Variants in PRKG1 observed in about 807,000 individuals in gnomAD.
PRKG1 encodes cGMP-dependent protein kinase 1.
PRKG1 carries 35 observed loss-of-function variants against 88.1 expected under a neutral mutation model. That is an observed-to-expected ratio of 0.40 (90% confidence interval 0.30 to 0.53). The LOEUF is 0.53. PRKG1 is among the 20% of genes least tolerant of loss of function. The pLI is 0.59. For synonymous variants in PRKG1, 303 were observed against 292.5 expected (o/e 1.04, Z -0.37); for missense variants, 540 against 839.8 (o/e 0.64, Z 4.41).
chr10:52,114,068 G>GT (rs934143531), intron 7 of PRKG1, among the ~76,000 whole-genome samples: 3 of 152,030 alleles, frequency 2.0e-5, no homozygotes, highest in African/African-American at 7.2e-5. Context: ...GTAGAGGAGT[G>GT]TTTTTTGCAT....
chr10:51,091,765 G>A (rs1220973690), intron 1 of PRKG1, among the ~76,000 whole-genome samples: 1 of 152,104 alleles, frequency 6.6e-6, no homozygotes, highest in African/African-American at 2.4e-5. Context: ...ACGGTGTGCA[G>A]GCATTCTACT....
intron 3 of PRKG1, among the ~76,000 whole-genome samples, chr10:51,601,531 T>A (rs1214591018): frequency 6.6e-6 from 1 of 152,078 alleles, no homozygotes; most frequent in Non-Finnish European, 1.5e-5. Flanking sequence ...CAGAACATCA[T>A]TGATGTGTCC....
intron 2 of PRKG1, among the ~76,000 whole-genome samples, chr10:51,213,086 C>A (rs1838273386): frequency 6.6e-6 from 1 of 152,112 alleles, no homozygotes; most frequent in Non-Finnish European, 1.5e-5. Context: ...CAGTGATAGA[C>A]TGGATTAAGA....
chr10:51,166,015 A>T (rs759749323), intron 2 of PRKG1, among the ~76,000 whole-genome samples: 31 of 152,262 alleles, frequency 2.0e-4, no homozygotes, highest in Non-Finnish European at 3.5e-4. Flanking sequence ...GGCTGGAAGA[A>T]CATAATTCAA....
chr10:52,097,940 A>G (rs1382786452), intron 7 of PRKG1, among the ~76,000 whole-genome samples: 1 of 152,108 alleles, frequency 6.6e-6, no homozygotes, highest in Admixed American at 6.5e-5. Context: ...AACTCTCTAA[A>G]GGTAAGGTTT....
At chr10:51,080,881 G>A (rs1313737752) in intron 1 of PRKG1, among the ~76,000 whole-genome samples, 1 of 152,170 alleles carries the variant, frequency 6.6e-6, no homozygotes, top group Admixed American at 6.5e-5. Context: ...AGTTCAGTAT[G>A]TGCAACCTGT....
chr10:51,076,014 T>C (rs1178399712), intron 1 of PRKG1, among the ~76,000 whole-genome samples: 1 of 152,250 alleles, frequency 6.6e-6, no homozygotes, highest in Admixed American at 6.5e-5. Context: ...TACGTAATAA[T>C]GCAAGGTCCA....
chr10:51,076,063 A>C (rs1435464404), intron 1 of PRKG1, among the ~76,000 whole-genome samples: 2 of 152,244 alleles, frequency 1.3e-5, no homozygotes, highest in Non-Finnish European at 1.5e-5. Flanking sequence ...AAGTTAATAT[A>C]AGGAGAAAGT....
At chr10:51,917,205 C>G (rs1051696426) in intron 5 of PRKG1, among the ~76,000 whole-genome samples, 1 of 151,514 alleles carries the variant, frequency 6.6e-6, no homozygotes, top group African/African-American at 2.4e-5. Context: ...TGTAGTCCTA[C>G]CTACTCAGGA....
At chr10:52,240,477 A>C (rs544791907) in intron 9 of PRKG1, among the ~76,000 whole-genome samples, 2 of 152,194 alleles carry the variant, frequency 1.3e-5, no homozygotes, top group Non-Finnish European at 2.9e-5. Flanking sequence ...TCTGAATAAA[A>C]GTATGGAGTT....
At chr10:51,586,125 A>T (rs937955413) in intron 3 of PRKG1, among the ~76,000 whole-genome samples, 7 of 152,162 alleles carry the variant, frequency 4.6e-5, no homozygotes, top group Non-Finnish European at 8.8e-5. Flanking sequence ...TCTGAATCAA[A>T]AATAAATGTT....
chr10:51,125,635 T>C (rs1309010752), intron 1 of PRKG1, among the ~76,000 whole-genome samples: 1 of 149,216 alleles, frequency 6.7e-6, no homozygotes, highest in South Asian at 2.1e-4. Flanking sequence ...TGAGCCAAGA[T>C]TGAGCCACTG....
In PRKG1 at chr10:51,386,960, TAA is replaced by T. The variant is rs746547877; in HGVS notation, c.479-80761_479-80760del. ...GTTGGGATTTACAAATAGAATTTTA[TAA>T]ATTGTAATCATAAAGAGGAGTGTCC... On this transcript the variant is annotated intron_variant, in intron 2 of 17. Transcript: ENST00000373980. 4.5e-4 allele frequency among the ~76,000 whole-genome samples: 69 copies of T among 152,354 alleles called. 2 individuals are homozygous for T. Among genetic ancestry groups the T allele is most frequent in the Admixed American group, 2.2e-3 (33 of 15,304 alleles).
At chr10:51,213,369 T>C (rs1221924633) in intron 2 of PRKG1, among the ~76,000 whole-genome samples, 2 of 152,172 alleles carry the variant, frequency 1.3e-5, no homozygotes, top group African/African-American at 4.8e-5. Context: ...TAATGCTAAA[T>C]GACCAGTTAA....
At chr10:51,944,091 T>C (rs1454281664) in intron 5 of PRKG1, among the ~76,000 whole-genome samples, 3 of 152,066 alleles carry the variant, frequency 2.0e-5, no homozygotes, top group South Asian at 2.1e-4. Flanking sequence ...TCCTGGACTC[T>C]TTTTGGTTAG....
intron 2 of PRKG1, among the ~76,000 whole-genome samples, chr10:51,168,753 G>A (rs906507877): frequency 2.0e-5 from 3 of 152,156 alleles, no homozygotes; most frequent in Non-Finnish European, 4.4e-5. Flanking sequence ...CAAAAGAAAT[G>A]TCTCTTAAAT....
intron 4 of PRKG1, among the ~76,000 whole-genome samples, chr10:51,899,341 T>G (rs1841927069): frequency 6.6e-6 from 1 of 152,020 alleles, no homozygotes; most frequent in South Asian, 2.1e-4. Flanking sequence ...CTATTTTTAA[T>G]TAAAATAACC....
chr10:51,364,321 A>G (rs1842546007), intron 2 of PRKG1, among the ~76,000 whole-genome samples: 1 of 151,950 alleles, frequency 6.6e-6, no homozygotes, highest in Non-Finnish European at 1.5e-5. Context: ...GAGCCATTTG[A>G]TCACTACTTG....
intron 17 of PRKG1, among the ~76,000 whole-genome samples, chr10:52,291,437 G>A (rs1186411373): frequency 1.6e-5 from 2 of 123,522 alleles, no homozygotes; most frequent in Admixed American, 2.2e-4. Flanking sequence ...CCCAGAGTGT[G>A]ATGGTCCCCT....
Sources: gnomAD v4.1 joint callset for allele counts (sites outside exome capture counted in the v4.1 genomes callset) on GRCh38, gnomAD v4.1.1 for gene constraint, MANE v1.5 for transcripts, NCBI Gene and HGNC (gene_info 2026-07-23, HGNC 2026-07-21) for gene names.